The following RABGAP1L variants were observed in gnomAD, a reference collection of about 807,000 sequenced individuals.
The protein encoded by RABGAP1L is RAB GTPase activating protein 1 like.
In RABGAP1L, 63 loss-of-function variants were observed where a neutral mutation model predicts 137.7. That is an observed-to-expected ratio of 0.46 (90% confidence interval 0.37 to 0.56). RABGAP1L has a LOEUF of 0.56. RABGAP1L is among the 20% of genes least tolerant of loss of function. The probability of loss-of-function intolerance (pLI) is 0.00; values close to 1 mark genes in which losing one functional copy is unlikely to be tolerated. For synonymous variants in RABGAP1L, 431 were observed against 433.7 expected, an observed-to-expected ratio of 0.99 and a Z score of 0.08; for missense variants, 1,095 against 1,244.0, an observed-to-expected ratio of 0.88 and a Z score of 1.80.
chr1:174,607,027 G>C (rs778284200), intron 13 of RABGAP1L, among the ~76,000 whole-genome samples: 2 of 152,108 alleles, frequency 1.3e-5, no homozygotes, highest in Non-Finnish European at 2.9e-5. Flanking sequence ...AGTAATCTGG[G>C]TAGGACTGCC....
intron 13 of RABGAP1L, among the ~76,000 whole-genome samples, chr1:174,478,422 T>A (rs1658734715): frequency 6.6e-6 from 1 of 151,804 alleles, no homozygotes; most frequent in Non-Finnish European, 1.5e-5. Context: ...AGGTGCACAC[T>A]GCTATGCCTG....
At chr1:174,654,332 G>A (rs966208795) in intron 14 of RABGAP1L, among the ~76,000 whole-genome samples, 12 of 152,154 alleles carry the variant, frequency 7.9e-5, no homozygotes, top group African/African-American at 1.9e-4. Context: ...GACCTAATGT[G>A]TATTTTTATG....
chr1:174,776,959 G>T (rs1472523243), intron 18 of RABGAP1L, among the ~76,000 whole-genome samples: 3 of 152,134 alleles, frequency 2.0e-5, no homozygotes, highest in African/African-American at 7.2e-5. Context: ...GAAGTGACAG[G>T]TATTATAGGC....
intron 20 of RABGAP1L, among the ~76,000 whole-genome samples, chr1:174,960,675 A>G (rs1456541795): frequency 6.6e-6 from 1 of 152,154 alleles, no homozygotes; most frequent in Non-Finnish European, 1.5e-5. Flanking sequence ...GAGGATTGTC[A>G]TTTAGCCTAC....
intron 10 of RABGAP1L, among the ~76,000 whole-genome samples, chr1:174,296,442 T>C (rs1298120549): frequency 6.6e-6 from 1 of 152,250 alleles, no homozygotes; most frequent in Non-Finnish European, 1.5e-5. Context: ...CTGCTAGTGA[T>C]ACTACTGAAT....
At chr1:174,633,718 G>T (rs2148325574) in intron 13 of RABGAP1L, among the ~76,000 whole-genome samples, 1 of 136,506 alleles carries the variant, frequency 7.3e-6, no homozygotes, top group African/African-American at 3.0e-5. Context: ...AGAGCCCTCA[G>T]AAATAACGCT....
At chr1:174,551,021 T>TATATATATATATATATATATACAC (rs1553330343) in intron 13 of RABGAP1L, among the ~76,000 whole-genome samples, 1 of 122,816 alleles carries the variant, frequency 8.1e-6, no homozygotes, top group African/African-American at 3.8e-5. Context: ...TATATATATA[T>TATATATATATATATATATATACAC]ACATACACAC....
rs1672288373 is a variant in RABGAP1L at position 174,995,107 on chromosome 1, A to C, written c.*5106A>C. The C allele has an allele frequency of 6.6e-6, 1 of 152,238 alleles. No homozygotes were observed. Among genetic ancestry groups the C allele is most frequent in the Non-Finnish European group, 1.5e-5 (1 of 68,050 alleles). 9.4% of individuals were successfully genotyped at this position (152,238 alleles called of 1,614,324 possible). A position where few individuals can be genotyped will look rare whatever the true frequency, so the allele number is the denominator to read the frequency against. ...GTGCAATTTATTGTACATTGTCCCA[A>C]CAAATGTTTACTTTTATAATCGTTA... On this transcript the variant is annotated 3_prime_UTR_variant, in exon 26 of 26. Transcript: ENST00000681986.
At chr1:174,637,596 A>G (rs1421068517) in intron 14 of RABGAP1L, 108 bp downstream of exon 14, 2 of 787,352 alleles carry the variant, frequency 2.5e-6, no homozygotes, top group Non-Finnish European at 4.2e-6. Flanking sequence ...GCACTATGCC[A>G]TGTTTTCTGC....
chr1:174,552,948 G>A (rs1046986680), intron 13 of RABGAP1L, among the ~76,000 whole-genome samples: 1 of 152,086 alleles, frequency 6.6e-6, no homozygotes, highest in Non-Finnish European at 1.5e-5. Flanking sequence ...TCTCATTGTG[G>A]TTTCAATTTG....
Position 174,673,623 on chromosome 1 carries a change from A to T in RABGAP1L, c.1825-9899A>T, listed in dbSNP as rs181023801. The stretch of plus-strand genomic sequence containing the variant: ...ATTCTTTTTAAAAAATAAGGTCACA[A>T]TTTTTTTTATTTTTCAGGCATAGAA... On this transcript the variant is annotated intron_variant, in intron 14 of 25. Coordinates refer to ENST00000681986, the MANE Select transcript of RABGAP1L (RefSeq NM_001366446.1). Among the ~76,000 whole-genome samples the T allele has an allele frequency of 9.8e-3, 1,488 of 152,050 alleles. 10 individuals carry two copies. Among genetic ancestry groups the T allele is most frequent in the Non-Finnish European group, 0.013 (887 of 67,936 alleles).
rs567686926 is a variant in RABGAP1L, at chr1:174,559,344, A to G, written c.1711-78031A>G. ...TAAAAATATGTATATACACATACAG[A>G]ACATTTACTTTATCAAAAAGAAGAG... On this transcript the variant is annotated intron_variant, in intron 13 of 25. Transcript: ENST00000681986. Among the ~76,000 whole-genome samples, 46 of 152,308 alleles carry G rather than the reference A, an allele frequency of 3.0e-4. 1 individual carries two copies. Among genetic ancestry groups the G allele is most frequent in the African/African-American group, 6.3e-4 (26 of 41,556 alleles).
intron 19 of RABGAP1L, among the ~76,000 whole-genome samples, chr1:174,859,487 A>AAAAAAAAAAAAAAAAAAG (rs1332259591): frequency 6.6e-6 from 1 of 151,596 alleles, no homozygotes; most frequent in East Asian, 1.9e-4. Flanking sequence ...CATCTCAAAA[A>AAAAAAAAAAAAAAAAAAG]AAAAGAAAAT....
intron 18 of RABGAP1L, among the ~76,000 whole-genome samples, chr1:174,785,404 A>C (rs1207082590): frequency 6.6e-6 from 1 of 152,202 alleles, no homozygotes; most frequent in Non-Finnish European, 1.5e-5. Flanking sequence ...TTCTGAGATT[A>C]AGGTTAGCTT....
At chr1:174,321,674 G>C (rs1051202815) in intron 11 of RABGAP1L, among the ~76,000 whole-genome samples, 4 of 152,188 alleles carry the variant, frequency 2.6e-5, no homozygotes, top group Admixed American at 1.3e-4. Context: ...CCTACGAATA[G>C]GTTCGCTGGG....
At chr1:174,914,368 C>T (rs1446353661) in intron 19 of RABGAP1L, among the ~76,000 whole-genome samples, 1 of 152,162 alleles carries the variant, frequency 6.6e-6, no homozygotes, top group Admixed American at 6.5e-5. Flanking sequence ...CTTTTATTTA[C>T]CAACCAGACC....
chr1:174,716,971 A>C (rs1324511781), intron 17 of RABGAP1L, among the ~76,000 whole-genome samples: 3 of 152,168 alleles, frequency 2.0e-5, no homozygotes, highest in Non-Finnish European at 4.4e-5. Flanking sequence ...GTAGACTCTA[A>C]AGATTCTTGG....
chr1:174,616,075 G>A (rs536717013), intron 13 of RABGAP1L, among the ~76,000 whole-genome samples: 361 of 152,322 alleles, frequency 2.4e-3, no homozygotes, highest in Middle Eastern at 0.014. Context: ...CACACAGTGC[G>A]CTGCACCCAC....
intron 19 of RABGAP1L, among the ~76,000 whole-genome samples, chr1:174,955,003 ATGT>A (rs1558278220): frequency 1.3e-5 from 2 of 152,198 alleles, no homozygotes; most frequent in African/African-American, 4.8e-5. Context: ...AAGAAAAATA[ATGT>A]TGTCGTTTTG....
Sources: gnomAD v4.1 joint callset for allele counts (sites outside exome capture counted in the v4.1 genomes callset) on GRCh38, gnomAD v4.1.1 for gene constraint, MANE v1.5 for transcripts, NCBI Gene and HGNC (gene_info 2026-07-23, HGNC 2026-07-21) for gene names.